The following IGSF11 variants were observed in gnomAD, a reference collection of about 807,000 sequenced individuals.
IGSF11 encodes the protein immunoglobulin superfamily member 11.
IGSF11 carries 22 observed loss-of-function variants against 41.0 expected under a neutral mutation model. That is an observed-to-expected ratio of 0.54 (90% CI 0.38 to 0.77). The LOEUF (loss-of-function observed/expected upper bound fraction) is 0.77. Ranked by LOEUF, IGSF11 falls within the 30% of genes least tolerant of loss-of-function variation. IGSF11 has a pLI of 0.00. For synonymous variants in IGSF11, 219 were observed against 201.3 expected, an observed-to-expected ratio of 1.09 and a Z score of -0.74; for missense variants, 444 against 530.8, an observed-to-expected ratio of 0.84 and a Z score of 1.61.
intron 1 of IGSF11, among the ~76,000 whole-genome samples, chr3:118,952,922 T>G (rs1944675084): frequency 6.6e-6 from 1 of 151,976 alleles, no homozygotes; most frequent in South Asian, 2.1e-4. Flanking sequence ...TTTCCATAGG[T>G]TTTTGGGGAA....
At chr3:118,966,299 T>C (rs140659149) in intron 1 of IGSF11, among the ~76,000 whole-genome samples, 18 of 152,292 alleles carry the variant, frequency 1.2e-4, no homozygotes, top group African/African-American at 4.1e-4. Context: ...CTCCATTTCA[T>C]AGATGAAGAA....
intron 1 of IGSF11, among the ~76,000 whole-genome samples, chr3:118,994,906 G>T (rs923481808): frequency 3.9e-5 from 6 of 152,136 alleles, no homozygotes; most frequent in African/African-American, 1.4e-4. Context: ...GAGAGGAATG[G>T]TACAGGGAAG....
intron 1 of IGSF11, among the ~76,000 whole-genome samples, chr3:118,998,602 T>C (rs1407956408): frequency 6.6e-6 from 1 of 150,724 alleles, no homozygotes; most frequent in Non-Finnish European, 1.5e-5. Flanking sequence ...AGTTTGCAAA[T>C]AGCAATTTCA....
intron 1 of IGSF11, among the ~76,000 whole-genome samples, chr3:118,951,100 C>T (rs1944538856): frequency 6.6e-6 from 1 of 152,194 alleles, no homozygotes; most frequent in African/African-American, 2.4e-5. Context: ...AACATAGTAG[C>T]AGCCACATGT....
At chr3:119,069,910 T>C (rs778049910) in intron 1 of IGSF11, among the ~76,000 whole-genome samples, 2 of 152,190 alleles carry the variant, frequency 1.3e-5, no homozygotes, top group Non-Finnish European at 2.9e-5. Flanking sequence ...CATATAGCAA[T>C]GATTCACTCG....
At chr3:119,056,697 G>C (rs941069342) in intron 1 of IGSF11, among the ~76,000 whole-genome samples, 4 of 152,334 alleles carry the variant, frequency 2.6e-5, no homozygotes, top group Non-Finnish European at 5.9e-5. Context: ...CAATGTCCTT[G>C]ATGAACATTC....
At chr3:119,071,195 G>T (rs1161998500) in intron 1 of IGSF11, among the ~76,000 whole-genome samples, 2 of 152,184 alleles carry the variant, frequency 1.3e-5, no homozygotes, top group African/African-American at 4.8e-5. Context: ...ACCAGGAAGA[G>T]ATAAGAGGCA....
chr3:119,111,068 C>T (rs1035602644), intron 1 of IGSF11, among the ~76,000 whole-genome samples: 3 of 151,946 alleles, frequency 2.0e-5, no homozygotes, highest in African/African-American at 7.3e-5. Context: ...AATTATGTGT[C>T]TTGGAGTTGC....
chr3:119,111,004 T>G lies in IGSF11; in HGVS notation c.-13-5799A>C, dbSNP rs28821187. On this transcript the variant is annotated intron_variant, in intron 1 of 7. Coordinates refer to the IGSF11 transcript ENST00000425327. ...TCCCTTTGTGGGTAACCCGACCTTT[T>G]TCTCTGGCTGCCCTTAACATTTTTT... 1.9e-3 allele frequency among the ~76,000 whole-genome samples: 285 copies of G among 149,866 alleles called. 2 individuals are homozygous for G. The highest frequency in any genetic ancestry group is 6.4e-3 in the African/African-American group (260 of 40,940).
intron 4 of IGSF11, among the ~76,000 whole-genome samples, chr3:118,920,228 T>A (rs1289518930): frequency 6.7e-6 from 1 of 148,272 alleles, no homozygotes; most frequent in Non-Finnish European, 1.5e-5. Context: ...ACCTGCACAA[T>A]GTGCACATGT....
chr3:119,085,211 T>A (rs2076651408), intron 1 of IGSF11, among the ~76,000 whole-genome samples: 4 of 152,170 alleles, frequency 2.6e-5, no homozygotes. Context: ...ACAAAGGAGA[T>A]GCATGGCTGA....
intron 4 of IGSF11, among the ~76,000 whole-genome samples, chr3:118,911,043 T>A (rs78385936): frequency 0.011 from 1,633 of 152,270 alleles, 31 homozygotes; most frequent in East Asian, 0.065. Context: ...TGGAGATATG[T>A]TTCCTTGTAT....
At chr3:119,132,794 A>G (rs973168510) in intron 1 of IGSF11, among the ~76,000 whole-genome samples, 3 of 152,214 alleles carry the variant, frequency 2.0e-5, no homozygotes, top group South Asian at 2.1e-4. Context: ...CACTTACTCT[A>G]AAATTGACCA....
chr3:119,117,192 G>T (rs1314670864), intron 1 of IGSF11, among the ~76,000 whole-genome samples: 3 of 147,092 alleles, frequency 2.0e-5, no homozygotes, highest in Non-Finnish European at 4.5e-5. Flanking sequence ...CAAACTGGAA[G>T]TTATCAAAAA....
chr3:119,038,832 A>T (rs983684146), upstream of IGSF11, among the ~76,000 whole-genome samples: 1 of 152,212 alleles, frequency 6.6e-6, no homozygotes. Context: ...GGTGTTTTCC[A>T]TAGAAGTTTA....
At chr3:119,051,594 C>A (rs1231954957) in intron 1 of IGSF11, among the ~76,000 whole-genome samples, 1 of 152,078 alleles carries the variant, frequency 6.6e-6, no homozygotes, top group African/African-American at 2.4e-5. Context: ...AACAAAGAAA[C>A]AATGGAATTA....
At chr3:119,045,122 A>T (rs1941273224) in intron 1 of IGSF11, among the ~76,000 whole-genome samples, 1 of 152,208 alleles carries the variant, frequency 6.6e-6, no homozygotes, top group East Asian at 1.9e-4. Flanking sequence ...AACGGATAAA[A>T]TCCCACAAAA....
Position 118,902,702 on chromosome 3 carries a change from G to GA in IGSF11, c.1113dup (p.Leu372SerfsTer23), listed in dbSNP as rs1559864056. ...GACCCTCTGTTGGCTGTCACTACCAGAGTCTTATGTTGACCCGGGACCAGA... is the reference window on the plus strand; with the variant it reads ...GACCCTCTGTTGGCTGTCACTACCAGAAGTCTTATGTTGACCCGGGACCAGA... On this transcript the variant is annotated frameshift_variant, in exon 7 of 7. Transcript: ENST00000393775. LOFTEE classifies it high-confidence loss of function. 1 of 1,614,152 alleles carries GA rather than the reference G, an allele frequency of 6.2e-7. No individual in the cohort carries two copies.
intron 4 of IGSF11, among the ~76,000 whole-genome samples, chr3:118,906,520 G>T (rs183569103): frequency 1.2e-4 from 18 of 152,274 alleles, no homozygotes; most frequent in Admixed American, 7.8e-4. Context: ...CTCATCACTG[G>T]CTGGGAGCAG....
Sources: gnomAD v4.1 joint callset for allele counts (sites outside exome capture counted in the v4.1 genomes callset) on GRCh38, gnomAD v4.1.1 for gene constraint, MANE v1.5 for transcripts, NCBI Gene and HGNC (gene_info 2026-07-23, HGNC 2026-07-21) for gene names.